Variants in ZMAT4 observed in about 807,000 individuals in gnomAD.
ZMAT4 encodes the protein zinc finger matrin-type protein 4.
In ZMAT4, 17 loss-of-function variants were observed where a neutral mutation model predicts 28.7. The ratio of observed to expected loss-of-function variants is 0.59; its 90% CI spans 0.41 to 0.89. The LOEUF is 0.89. Ranked by LOEUF, ZMAT4 falls within the 40% of genes least tolerant of loss-of-function variation. The probability of loss-of-function intolerance (pLI) is 0.00; values close to 1 mark genes in which losing one functional copy is unlikely to be tolerated. For synonymous variants in ZMAT4, 117 were observed against 109.2 expected (o/e 1.07, Z -0.44); for missense variants, 240 against 283.8 (o/e 0.85, Z 1.11).
chr8:40,540,254 G>C (rs1448332185), intron 6 of ZMAT4, among the ~76,000 whole-genome samples: 2 of 152,186 alleles, frequency 1.3e-5, no homozygotes, highest in African/African-American at 2.4e-5. Flanking sequence ...TGTGGAACCT[G>C]GGATTCAAGC....
intron 5 of ZMAT4, among the ~76,000 whole-genome samples, chr8:40,625,338 T>G (rs529427715): frequency 1.3e-5 from 2 of 152,186 alleles, no homozygotes; most frequent in African/African-American, 4.8e-5. Flanking sequence ...GGGAAGCCAC[T>G]GGAGATATTT....
At chr8:40,618,659 G>GAAA (rs11373573) in intron 5 of ZMAT4, among the ~76,000 whole-genome samples, 2 of 139,346 alleles carry the variant, frequency 1.4e-5, no homozygotes, top group Non-Finnish European at 3.1e-5. Context: ...TCTACCACTA[G>GAAA]AAAAAAAAAA....
chr8:40,855,298 C>A (rs1440048966), intron 1 of ZMAT4, among the ~76,000 whole-genome samples: 1 of 152,084 alleles, frequency 6.6e-6, no homozygotes, highest in Non-Finnish European at 1.5e-5. Flanking sequence ...CCACTGGAGC[C>A]CATCAGAGGT....
At chr8:40,651,714 G>T (rs993690768) in intron 5 of ZMAT4, among the ~76,000 whole-genome samples, 2 of 151,668 alleles carry the variant, frequency 1.3e-5, no homozygotes, top group Non-Finnish European at 2.9e-5. Context: ...AGCATGTTTG[G>T]TACTGGTACC....
At chr8:40,769,679 A>T (rs1226404733) in intron 2 of ZMAT4, among the ~76,000 whole-genome samples, 1 of 152,060 alleles carries the variant, frequency 6.6e-6, no homozygotes, top group African/African-American at 2.4e-5. Context: ...CCATAGAGGA[A>T]CTTCTTTTCA....
At chr8:40,838,239 G>A (rs2150624086) in intron 1 of ZMAT4, among the ~76,000 whole-genome samples, 1 of 152,348 alleles carries the variant, frequency 6.6e-6, no homozygotes, top group South Asian at 2.1e-4. Flanking sequence ...CCAGTTTCCA[G>A]GAAATGAGAC....
chr8:40,642,860 G>A (rs1427653181), intron 5 of ZMAT4, among the ~76,000 whole-genome samples: 1 of 152,088 alleles, frequency 6.6e-6, no homozygotes, highest in African/African-American at 2.4e-5. Context: ...TATTTCATGA[G>A]ACCAAAATGA....
intron 2 of ZMAT4, among the ~76,000 whole-genome samples, chr8:40,807,429 G>C (rs565501768): frequency 6.6e-6 from 1 of 152,152 alleles, no homozygotes; most frequent in Non-Finnish European, 1.5e-5. Context: ...GGGTGACAGA[G>C]CGAGACTCTG....
At chr8:40,560,819 C>T (rs868277504) in intron 6 of ZMAT4, among the ~76,000 whole-genome samples, 1 of 152,164 alleles carries the variant, frequency 6.6e-6, no homozygotes, top group Non-Finnish European at 1.5e-5. Context: ...TGAAAGACAT[C>T]GCCAGCCAAT....
At chr8:40,589,975 T>TC (rs1563354181) in intron 5 of ZMAT4, among the ~76,000 whole-genome samples, 121 of 17,040 alleles carry the variant, frequency 7.1e-3, no homozygotes, top group East Asian at 0.015. Flanking sequence ...CTCCCTCCCT[T>TC]CCTTCCTTCC....
At chr8:40,732,949 G>A (rs909539543) in intron 3 of ZMAT4, among the ~76,000 whole-genome samples, 1 of 145,684 alleles carries the variant, frequency 6.9e-6, no homozygotes, top group Non-Finnish European at 1.5e-5. Flanking sequence ...GGGCTCAAGC[G>A]ACCCTCTCAC....
intron 3 of ZMAT4, among the ~76,000 whole-genome samples, chr8:40,747,900 T>C (rs1223601847): frequency 6.6e-6 from 1 of 152,194 alleles, no homozygotes; most frequent in African/African-American, 2.4e-5. Flanking sequence ...AAAAGGTCAA[T>C]CATCACTCAA....
intron 1 of ZMAT4, among the ~76,000 whole-genome samples, chr8:40,841,784 G>A (rs753486417): frequency 6.6e-6 from 1 of 152,190 alleles, no homozygotes; most frequent in Non-Finnish European, 1.5e-5. Context: ...AAAGTAAAAT[G>A]CACTAGTGTA....
chr8:40,611,961 C>A (rs1209945906), intron 5 of ZMAT4, among the ~76,000 whole-genome samples: 1 of 151,102 alleles, frequency 6.6e-6, no homozygotes, highest in Non-Finnish European at 1.5e-5. Flanking sequence ...GTGATCAGAC[C>A]CCCACTGTCA....
rs570788880 is a variant in ZMAT4 at position 40,781,080 on chromosome 8, A to T, written c.103-13350T>A. On this transcript the variant is annotated intron_variant, in intron 2 of 6. Transcript: ENST00000297737. ...GGTGAGGGAGGTGAGGGAAGCATCT[A>T]AACTGGAAAGAAGAAATAAAACTCT... 1.5e-3 allele frequency among the ~76,000 whole-genome samples: 235 copies of T among 152,338 alleles called. 1 individual carries two copies. Among genetic ancestry groups the T allele is most frequent in the African/African-American group, 5.5e-3 (227 of 41,576 alleles).
At chr8:40,806,707 AC>A (rs1815097106) in intron 2 of ZMAT4, among the ~76,000 whole-genome samples, 1 of 152,124 alleles carries the variant, frequency 6.6e-6, no homozygotes, top group African/African-American at 2.4e-5. Context: ...ATTGCTACAT[AC>A]ATCCTTCTCA....
intron 4 of ZMAT4, among the ~76,000 whole-genome samples, chr8:40,696,429 G>C (rs2150493469): frequency 6.6e-6 from 1 of 152,284 alleles, no homozygotes; most frequent in Non-Finnish European, 1.5e-5. Flanking sequence ...TAATCGCATG[G>C]AAAGAGTAGG....
intron 2 of ZMAT4, among the ~76,000 whole-genome samples, chr8:40,787,861 A>T (rs948177693): frequency 2.0e-5 from 3 of 152,178 alleles, no homozygotes; most frequent in Non-Finnish European, 2.9e-5. Flanking sequence ...TGAATTGTTC[A>T]TTTCTAGAAT....
chr8:40,759,207 G>A (rs370120909), intron 3 of ZMAT4, among the ~76,000 whole-genome samples: 1 of 148,738 alleles, frequency 6.7e-6, no homozygotes, highest in South Asian at 2.1e-4. Flanking sequence ...ACTTGAACCT[G>A]GGAGGTGGAG....
Sources: allele counts gnomAD v4.1 joint callset (sites outside exome capture counted in the v4.1 genomes callset), GRCh38; gene constraint gnomAD v4.1.1; transcripts MANE v1.5; gene names NCBI Gene and HGNC (gene_info 2026-07-23, HGNC 2026-07-21).